The following TAF1 variants were observed in gnomAD, a reference collection of about 807,000 sequenced individuals.
The protein encoded by TAF1 is transcription initiation factor TFIID subunit 1.
TAF1 carries 2 observed loss-of-function variants against 138.5 expected under a neutral mutation model. The observed-to-expected ratio is 0.01, with a 90% CI of 0.01 to 0.05. The LOEUF (loss-of-function observed/expected upper bound fraction) is 0.05, where lower values mean the gene tolerates loss of function less well. Among genes scored for constraint, TAF1 ranks in the 10% least tolerant of loss-of-function variants. The probability of loss-of-function intolerance (pLI) is 1.00; values close to 1 mark genes in which losing one functional copy is unlikely to be tolerated. For missense variants in TAF1, 709 were observed against 1,478.0 expected (o/e 0.48, Z 8.53); for synonymous variants, 437 against 503.2 (o/e 0.87, Z 1.76).
chrX:71,376,030 G>A (rs1028302021), intron 4 of TAF1, among the ~76,000 whole-genome samples: 1 of 112,165 alleles, frequency 8.9e-6, no homozygotes, highest in Admixed American at 9.5e-5. Context: ...AGATTTCAAA[G>A]GCTAGTAGAG....
rs181774534 is a variant in TAF1 at position 71,369,539 on chromosome X, T to C, written c.352+1369T>C. Among the ~76,000 whole-genome samples, 8 of 111,681 alleles carry C rather than the reference T, an allele frequency of 7.2e-5. No homozygotes were observed. The East Asian group carries it at 2.3e-3, about 32-fold the overall frequency. ...TTAGCTAGTAGTAGACTGACTAATT[T>C]AGCTCAGTTCGTTAGACATTGTTTG... On this transcript the variant is annotated intron_variant, in intron 3 of 37. Transcript: ENST00000423759.
chrX:71,428,898 A>G (rs1311329408), intron 32 of TAF1, among the ~76,000 whole-genome samples: 1 of 112,072 alleles, frequency 8.9e-6, no homozygotes, highest in Non-Finnish European at 1.9e-5. Flanking sequence ...CACCAGAGTG[A>G]TAATAGTGGT....
At chrX:71,419,171 A>G (rs764693761) in intron 28 of TAF1, among the ~76,000 whole-genome samples, 1 of 111,796 alleles carries the variant, frequency 8.9e-6, no homozygotes, top group East Asian at 2.8e-4. Flanking sequence ...TTTATATGTT[A>G]AGTGTGGGAA....
intron 23 of TAF1, 25 bp downstream of exon 23, chrX:71,397,491 T>A: frequency 8.3e-7 from 1 of 1,209,610 alleles, no homozygotes. Flanking sequence ...CCACTTCCTT[T>A]TTTTTCTTTG....
intron 28 of TAF1, among the ~76,000 whole-genome samples, chrX:71,409,840 C>T (rs779350383): frequency 1.8e-5 from 2 of 111,337 alleles, no homozygotes; most frequent in Non-Finnish European, 3.8e-5. Context: ...AGTCTTTGCT[C>T]TCTTTCTGGG....
intron 22 of TAF1, among the ~76,000 whole-genome samples, chrX:71,394,713 C>T (rs2034750528): frequency 8.9e-6 from 1 of 112,011 alleles, no homozygotes; most frequent in African/African-American, 3.2e-5. Context: ...CTTACTGCAG[C>T]CCCCGCCTCC....
chrX:71,393,605 G>A (rs1231795584), intron 21 of TAF1, 129 bp downstream of exon 21: 33 of 915,904 alleles, frequency 3.6e-5, no homozygotes, highest in Non-Finnish European at 4.4e-5. Flanking sequence ...GACATGTCAG[G>A]GTAGTATATG....
chrX:71,430,657 C>G (rs1167597514), intron 32 of TAF1, among the ~76,000 whole-genome samples: 4 of 111,695 alleles, frequency 3.6e-5, no homozygotes, highest in Non-Finnish European at 7.5e-5. Flanking sequence ...GAGTCAGTCA[C>G]TATTTAGCTC....
intron 13 of TAF1, among the ~76,000 whole-genome samples, chrX:71,501,397 T>C (rs1296687560): frequency 9.0e-6 from 1 of 111,015 alleles, no homozygotes; most frequent in African/African-American, 3.3e-5. Context: ...ATCATTCTTA[T>C]AGGAGAAACT....
intron 14 of TAF1, among the ~76,000 whole-genome samples, chrX:71,386,458 GGTT>G (rs2034235936): frequency 9.0e-6 from 1 of 111,567 alleles, no homozygotes; most frequent in Non-Finnish European, 1.9e-5. Flanking sequence ...CTACCTCATT[GGTT>G]GTTTTATGAT....
At chrX:71,394,604 T>G (rs901538966) in intron 22 of TAF1, among the ~76,000 whole-genome samples, 1 of 112,970 alleles carries the variant, frequency 8.9e-6, no homozygotes, top group Non-Finnish European at 1.9e-5. Context: ...CTTCTGAAAT[T>G]ACATGTAAAA....
chrX:71,484,404 C>T (rs959855419), intron 13 of TAF1, among the ~76,000 whole-genome samples: 4 of 108,035 alleles, frequency 3.7e-5, no homozygotes, highest in Non-Finnish European at 5.7e-5. Flanking sequence ...GTGATCTCAG[C>T]TCACTGCAGC....
chrX:71,487,386 C>T (rs368385252), intron 13 of TAF1, among the ~76,000 whole-genome samples: 2 of 98,018 alleles, frequency 2.0e-5, no homozygotes, highest in East Asian at 3.2e-4. Flanking sequence ...TGCAGTGGCG[C>T]GACCTTGGCT....
At chrX:71,418,289 G>T (rs2036136341) in intron 28 of TAF1, among the ~76,000 whole-genome samples, 1 of 111,402 alleles carries the variant, frequency 9.0e-6, no homozygotes, top group African/African-American at 3.3e-5. Context: ...TAGAGGTGAG[G>T]TCTTACTATG....
At chrX:71,451,920 C>T (rs776089031) in intron 32 of TAF1, among the ~76,000 whole-genome samples, 4 of 112,791 alleles carry the variant, frequency 3.5e-5, no homozygotes, top group African/African-American at 9.6e-5. Context: ...CAATCTTTTC[C>T]CCACCTTTCC....
intron 37 of TAF1, among the ~76,000 whole-genome samples, chrX:71,462,216 A>G (rs942307705): frequency 8.9e-6 from 1 of 112,114 alleles, no homozygotes; most frequent in African/African-American, 3.2e-5. Flanking sequence ...CTGTGCCCCA[A>G]AAGAAAAATG....
chrX:71,517,985 T>C (rs1289805652), intron 13 of TAF1, among the ~76,000 whole-genome samples: 1 of 109,928 alleles, frequency 9.1e-6, no homozygotes, highest in Non-Finnish European at 1.9e-5. Flanking sequence ...AAATTAAGAC[T>C]GGGCACAGTA....
chrX:71,463,735 T>A, intron 37 of TAF1, 89 bp from the exon 38 acceptor site: 1 of 894,302 alleles, frequency 1.1e-6, no homozygotes, highest in Non-Finnish European at 1.6e-6. Context: ...GGAGGTGAGA[T>A]GGGCTGATCC....
At chrX:71,528,798 A>G (rs890675877) in intron 14 of TAF1, 11 of 271,486 alleles carry the variant, frequency 4.1e-5, no homozygotes, top group African/African-American at 2.8e-4. Context: ...TGTGAAGAGC[A>G]AAAGAACAAA....
Sources: gnomAD v4.1 joint callset for allele counts (sites outside exome capture counted in the v4.1 genomes callset) on GRCh38, gnomAD v4.1.1 for gene constraint, MANE v1.5 for transcripts, NCBI Gene and HGNC (gene_info 2026-07-23, HGNC 2026-07-21) for gene names.